Variants in DLG1 observed in about 807,000 individuals in gnomAD.
The protein encoded by DLG1 is disks large homolog 1.
In DLG1, 42 loss-of-function variants were observed where a neutral mutation model predicts 123.4. The observed-to-expected ratio is 0.34, with a 90% confidence interval of 0.27 to 0.44. The LOEUF is 0.44. Among genes scored for constraint, DLG1 ranks in the 20% least tolerant of loss-of-function variants. DLG1 has a pLI of 1.00. For missense variants in DLG1, 942 were observed against 1,082.6 expected (o/e 0.87, Z 1.82); for synonymous variants, 317 against 356.2 (o/e 0.89, Z 1.24).
Position 197,252,347 on chromosome 3 carries a change from G to A in DLG1, c.318+30332C>T, listed in dbSNP as rs114889048. ...ATATGGAAACAAAGTATCCATTAAC[G>A]AAATAATGGATACGAAAAATGTGGT... On this transcript the variant is annotated intron_variant, in intron 4 of 24. Transcript: ENST00000667157. Among the ~76,000 whole-genome samples, 660 of 152,100 alleles carry A rather than the reference G, an allele frequency of 4.3e-3. 8 individuals carry two copies. Among genetic ancestry groups the A allele is most frequent in the African/African-American group, 0.015 (632 of 41,502 alleles).
At chr3:197,239,151 T>A (rs1051112546) in intron 4 of DLG1, among the ~76,000 whole-genome samples, 3 of 152,094 alleles carry the variant, frequency 2.0e-5, no homozygotes, top group African/African-American at 7.2e-5. Context: ...AACATTTCAA[T>A]CAATTCTAGA....
At chr3:197,075,698 A>G in intron 18 of DLG1, 1 of 566,446 alleles carries the variant, frequency 1.8e-6, no homozygotes, top group South Asian at 3.7e-5. Context: ...TGTGATAAAC[A>G]TGAAAATTCT....
Position 197,077,983 on chromosome 3 carries a change from G to C in DLG1, c.1906-1298C>G, listed in dbSNP as rs183170506. ...TATTGACAAGAACAGTGTGTTTTTGGCATGCCCTTATTTTAAGCATGTGAT... is the reference window on the plus strand; with the variant it reads ...TATTGACAAGAACAGTGTGTTTTTGCCATGCCCTTATTTTAAGCATGTGAT... On this transcript the variant is annotated intron_variant, in intron 17 of 24. Transcript: ENST00000667157. Among the ~76,000 whole-genome samples the C allele has an allele frequency of 2.0e-5, 3 of 151,846 alleles. No homozygotes were observed. The East Asian group carries it at 5.8e-4, about 29-fold the overall frequency.
chr3:197,057,110 C>G (rs989525058), intron 23 of DLG1, among the ~76,000 whole-genome samples: 5 of 151,970 alleles, frequency 3.3e-5, no homozygotes, highest in African/African-American at 4.8e-5. Flanking sequence ...CGGCCTCACT[C>G]TGTCACCAAG....
chr3:197,298,256 CG>C, intron 1 of DLG1: 1 of 355,460 alleles, frequency 2.8e-6, no homozygotes, highest in Non-Finnish European at 5.0e-6. Flanking sequence ...AAGGGGGAGG[CG>C]GGTCGGGGGA....
chr3:197,094,688 C>A (rs1759633783), intron 14 of DLG1, among the ~76,000 whole-genome samples: 1 of 152,158 alleles, frequency 6.6e-6, no homozygotes, highest in Admixed American at 6.5e-5. Flanking sequence ...CTCCTCCTAT[C>A]ATTTTGGATG....
At chr3:197,128,414 C>A (rs1780871066) in intron 11 of DLG1, among the ~76,000 whole-genome samples, 1 of 152,160 alleles carries the variant, frequency 6.6e-6, no homozygotes, top group South Asian at 2.1e-4. Flanking sequence ...AATTCTAGTT[C>A]TCTTATTATT....
chr3:197,079,108 G>C (rs1299611926), intron 17 of DLG1, among the ~76,000 whole-genome samples: 1 of 151,908 alleles, frequency 6.6e-6, no homozygotes, highest in Non-Finnish European at 1.5e-5. Flanking sequence ...ACACAAAACT[G>C]AAGACTTGCT....
At chr3:197,293,014 C>A (rs1775681957) in intron 3 of DLG1, among the ~76,000 whole-genome samples, 1 of 152,118 alleles carries the variant, frequency 6.6e-6, no homozygotes, top group East Asian at 1.9e-4. Flanking sequence ...TGAACTGAAA[C>A]CACTATGGAC....
chr3:197,134,118 G>C (rs1222651031), intron 10 of DLG1, among the ~76,000 whole-genome samples: 1 of 152,234 alleles, frequency 6.6e-6, no homozygotes, highest in East Asian at 1.9e-4. Context: ...GTGTGTGAGT[G>C]ATGAGTGATG....
intron 4 of DLG1, among the ~76,000 whole-genome samples, chr3:197,240,686 T>G (rs900466096): frequency 1.3e-5 from 2 of 152,114 alleles, no homozygotes; most frequent in Non-Finnish European, 2.9e-5. Context: ...ATTAAAGTAA[T>G]TTTTTAAAAT....
chr3:197,269,513 G>C (rs1763045512), intron 4 of DLG1, among the ~76,000 whole-genome samples: 2 of 151,986 alleles, frequency 1.3e-5, no homozygotes, highest in African/African-American at 4.8e-5. Context: ...CCTTTGTCTA[G>C]GTAACAAGTC....
At chr3:197,088,463 T>A (rs1352492767) in intron 15 of DLG1, among the ~76,000 whole-genome samples, 1 of 152,190 alleles carries the variant, frequency 6.6e-6, no homozygotes, top group African/African-American at 2.4e-5. Flanking sequence ...TCAGACATGC[T>A]AAGCCTCAAA....
rs59174437 is a variant in DLG1, at chr3:197,263,763, G to A, written c.318+18916C>T. On this transcript the variant is annotated intron_variant, in intron 4 of 24. Coordinates refer to ENST00000667157, the MANE Select transcript of DLG1 (RefSeq NM_001366207.1). The stretch of plus-strand genomic sequence containing the variant: ...GATCTCACCACTGCACTCCAGGCTG[G>A]GCGACAAAGTGGGACTCCATCTCAA... Among the ~76,000 whole-genome samples the A allele has an allele frequency of 9.9e-3, 1,502 of 152,212 alleles. 95 individuals carry two copies. In the East Asian group the frequency reaches 0.19, roughly 19 times the overall value.
chr3:197,069,008 ATTT>A (rs1307457370), intron 19 of DLG1, among the ~76,000 whole-genome samples: 8 of 151,712 alleles, frequency 5.3e-5, no homozygotes, highest in Admixed American at 2.0e-4. Context: ...CACAAATAAT[ATTT>A]TTATTTTATT....
intron 4 of DLG1, among the ~76,000 whole-genome samples, chr3:197,249,693 C>T (rs186627428): frequency 3.3e-5 from 5 of 152,120 alleles, no homozygotes; most frequent in Non-Finnish European, 5.9e-5. Context: ...CAGATTCAAC[C>T]ACATATTAAA....
At chr3:197,271,702 C>T (rs929204184) in intron 4 of DLG1, among the ~76,000 whole-genome samples, 4 of 152,068 alleles carry the variant, frequency 2.6e-5, no homozygotes, top group African/African-American at 9.7e-5. Flanking sequence ...GAAAACTGAA[C>T]AATTATTGCT....
intron 4 of DLG1, among the ~76,000 whole-genome samples, chr3:197,249,068 T>A (rs1209724428): frequency 6.6e-6 from 1 of 151,860 alleles, no homozygotes; most frequent in East Asian, 1.9e-4. Flanking sequence ...CTAAAATTGG[T>A]AGAAGAAAAG....
At chr3:197,075,801 G>T (rs1746861862) in intron 18 of DLG1, 3 of 1,601,146 alleles carry the variant, frequency 1.9e-6, no homozygotes, top group South Asian at 2.2e-5. Context: ...GCAGATGGAG[G>T]TTAAAAAATA....
Sources: gnomAD v4.1 joint callset for allele counts (sites outside exome capture counted in the v4.1 genomes callset) on GRCh38, gnomAD v4.1.1 for gene constraint, MANE v1.5 for transcripts, NCBI Gene and HGNC (gene_info 2026-07-23, HGNC 2026-07-21) for gene names.